The following SEMA5A variants were observed in gnomAD, a reference collection of about 807,000 sequenced individuals.
The protein encoded by SEMA5A is semaphorin 5A.
SEMA5A carries 55 observed loss-of-function variants against 135.5 expected under a neutral mutation model. That is an observed-to-expected ratio of 0.41 (90% CI 0.33 to 0.51). The LOEUF (loss-of-function observed/expected upper bound fraction) is 0.51. SEMA5A is among the 20% of genes least tolerant of loss of function. The pLI is 0.37. For synonymous variants in SEMA5A, 580 were observed against 546.5 expected, an observed-to-expected ratio of 1.06 and a Z score of -0.85; for missense variants, 1,290 against 1,419.9, an observed-to-expected ratio of 0.91 and a Z score of 1.47.
chr5:9,499,246 AT>A (rs911597352), intron 1 of SEMA5A, among the ~76,000 whole-genome samples: 8 of 152,194 alleles, frequency 5.3e-5, no homozygotes, highest in African/African-American at 1.9e-4. Flanking sequence ...TTGAAAAACA[AT>A]TTTTTAAGGA....
intron 3 of SEMA5A, among the ~76,000 whole-genome samples, chr5:9,354,037 G>A (rs1754334836): frequency 6.6e-6 from 1 of 151,542 alleles, no homozygotes. Flanking sequence ...TTCCAACAGA[G>A]GTGGATTTCT....
chr5:9,128,463 T>G (rs1741234423), intron 13 of SEMA5A, among the ~76,000 whole-genome samples: 1 of 152,200 alleles, frequency 6.6e-6, no homozygotes, highest in Non-Finnish European at 1.5e-5. Flanking sequence ...ATATGATACT[T>G]GGCAATCCTA....
intron 3 of SEMA5A, among the ~76,000 whole-genome samples, chr5:9,341,293 A>G (rs1218849839): frequency 1.3e-5 from 2 of 152,122 alleles, no homozygotes; most frequent in Non-Finnish European, 2.9e-5. Flanking sequence ...AAGCTTAGTA[A>G]CAGAAAACCT....
At chr5:9,278,501 G>A (rs548636150) in intron 5 of SEMA5A, among the ~76,000 whole-genome samples, 1 of 152,324 alleles carries the variant, frequency 6.6e-6, no homozygotes, top group Non-Finnish European at 1.5e-5. Context: ...CTGCAGAAAT[G>A]TGCATAAGTA....
At chr5:9,067,132 C>CT (rs1301939391) in intron 16 of SEMA5A, among the ~76,000 whole-genome samples, 1 of 152,134 alleles carries the variant, frequency 6.6e-6, no homozygotes, top group Admixed American at 6.6e-5. Context: ...ATGCAAGAGA[C>CT]TTTTTTTACG....
At chr5:9,311,094 G>T (rs1363804620) in intron 5 of SEMA5A, among the ~76,000 whole-genome samples, 1 of 151,802 alleles carries the variant, frequency 6.6e-6, no homozygotes, top group African/African-American at 2.4e-5. Flanking sequence ...GGAACATAGG[G>T]TTTCTCAACG....
intron 4 of SEMA5A, among the ~76,000 whole-genome samples, chr5:9,332,926 G>A (rs1377392467): frequency 6.6e-6 from 1 of 152,236 alleles, no homozygotes; most frequent in African/African-American, 2.4e-5. Context: ...CATGGCAGAT[G>A]TTTAGGCCAT....
At chr5:9,226,528 C>T (rs1266496337) in intron 7 of SEMA5A, among the ~76,000 whole-genome samples, 2 of 151,870 alleles carry the variant, frequency 1.3e-5, no homozygotes, top group Non-Finnish European at 2.9e-5. Flanking sequence ...ATATAAATAA[C>T]AGTAACAGTA....
chr5:9,181,650 A>G (rs566137888), intron 11 of SEMA5A, among the ~76,000 whole-genome samples: 1 of 152,252 alleles, frequency 6.6e-6, no homozygotes, highest in South Asian at 2.1e-4. Context: ...CTAGGTCTGC[A>G]TCTTGGAAGA....
chr5:9,138,666 T>C (rs1741895924), intron 12 of SEMA5A, among the ~76,000 whole-genome samples: 1 of 152,212 alleles, frequency 6.6e-6, no homozygotes, highest in African/African-American at 2.4e-5. Context: ...AGTACTTTTG[T>C]GGTGATTTAT....
At chr5:9,047,953 C>T (rs186025636) in intron 21 of SEMA5A, among the ~76,000 whole-genome samples, 1 of 152,282 alleles carries the variant, frequency 6.6e-6, no homozygotes, top group East Asian at 1.9e-4. Flanking sequence ...CACAGGGTAA[C>T]TGTGAGGCTC....
At chr5:9,203,132 A>C (rs141398518) in intron 8 of SEMA5A, among the ~76,000 whole-genome samples, 32 of 152,292 alleles carry the variant, frequency 2.1e-4, no homozygotes, top group South Asian at 6.2e-4. Flanking sequence ...GAGATAGTAC[A>C]TTTTGAGATA....
intron 6 of SEMA5A, among the ~76,000 whole-genome samples, chr5:9,228,109 T>C (rs930992457): frequency 2.6e-5 from 4 of 152,102 alleles, no homozygotes; most frequent in African/African-American, 9.7e-5. Flanking sequence ...GAAGTCTCAA[T>C]CCAGGCTCCT....
intron 5 of SEMA5A, among the ~76,000 whole-genome samples, chr5:9,304,297 C>A (rs1481911690): frequency 6.6e-6 from 1 of 151,988 alleles, no homozygotes; most frequent in Non-Finnish European, 1.5e-5. Context: ...ATCTACTTTT[C>A]TCATAAAGTC....
At chr5:9,320,796 G>C (rs904652068) in intron 4 of SEMA5A, among the ~76,000 whole-genome samples, 28 of 152,160 alleles carry the variant, frequency 1.8e-4, no homozygotes, top group African/African-American at 6.5e-4. Flanking sequence ...AAGCAGCCAA[G>C]GTAGGTGGCA....
At position 9,429,942 on chromosome 5, in the gene SEMA5A, T is replaced by C. The variant is rs147083298; in HGVS notation, c.-78+7814A>G. Among the ~76,000 whole-genome samples, 42 of 152,256 alleles carry C rather than the reference T, an allele frequency of 2.8e-4. No individual in the cohort carries two copies. In the East Asian group the frequency reaches 8.1e-3, roughly 29 times the overall value. ...CTCAGCAGAGAGCCTGTCTGGTCACTGTGTGGAGAAAAGACCACGGAGGCC... is the reference window on the plus strand; with the variant it reads ...CTCAGCAGAGAGCCTGTCTGGTCACCGTGTGGAGAAAAGACCACGGAGGCC... On this transcript the variant is annotated intron_variant, in intron 2 of 22. Transcript: ENST00000382496.
chr5:9,160,438 A>G (rs1174639410), intron 11 of SEMA5A, among the ~76,000 whole-genome samples: 1 of 152,326 alleles, frequency 6.6e-6, no homozygotes, highest in East Asian at 1.9e-4. Flanking sequence ...ACTATAGATG[A>G]GTAGAAGTTA....
At chr5:9,493,591 G>A (rs371793023) in intron 1 of SEMA5A, among the ~76,000 whole-genome samples, 1 of 152,148 alleles carries the variant, frequency 6.6e-6, no homozygotes, top group South Asian at 2.1e-4. Flanking sequence ...ATCTAATTAG[G>A]GCCTGACAGC....
intron 5 of SEMA5A, among the ~76,000 whole-genome samples, chr5:9,250,422 G>C (rs940267137): frequency 2.0e-5 from 3 of 152,010 alleles, no homozygotes; most frequent in Non-Finnish European, 2.9e-5. Flanking sequence ...TTTAACCTTA[G>C]ACAAATAAAA....
Sources: gnomAD v4.1 joint callset for allele counts (sites outside exome capture counted in the v4.1 genomes callset) on GRCh38, gnomAD v4.1.1 for gene constraint, MANE v1.5 for transcripts, NCBI Gene and HGNC (gene_info 2026-07-23, HGNC 2026-07-21) for gene names.